Variants in ZNF639 observed in about 807,000 individuals in gnomAD.
The protein encoded by ZNF639 is zinc finger protein 639, also known as zinc finger amplified in esophageal squamous cell carcinomas 1.
A neutral mutation model predicts 39.8 loss-of-function variants in ZNF639; 20 were observed. The ratio of observed to expected loss-of-function variants is 0.50; its 90% CI spans 0.35 to 0.73. The LOEUF (loss-of-function observed/expected upper bound fraction) is 0.73. Among genes scored for constraint, ZNF639 ranks in the 30% least tolerant of loss-of-function variants. The pLI is 0.00. For synonymous variants in ZNF639, 176 were observed against 189.8 expected (o/e 0.93, Z 0.60); for missense variants, 477 against 566.2 (o/e 0.84, Z 1.60).
rs961789951 is a variant in ZNF639 at position 179,337,455 on chromosome 3, G to T, written c.*3033G>T. The T allele has an allele frequency of 6.6e-6, 1 of 151,032 alleles. No individual in the cohort carries two copies. Among genetic ancestry groups the T allele is most frequent in the Non-Finnish European group, 1.5e-5 (1 of 67,906 alleles). 9.4% of individuals were successfully genotyped at this position (151,032 alleles called of 1,614,324 possible). A position where few individuals can be genotyped will look rare whatever the true frequency, so the allele number is the denominator to read the frequency against. ...AGGTGTAAGCAATTCTCCTGCCTTA[G>T]CCTCCCAAGTAGCTGGGATTATAGG... On this transcript the variant is annotated 3_prime_UTR_variant, in exon 6 of 6. Coordinates refer to ENST00000496856, the MANE Select transcript of ZNF639 (RefSeq NM_001303426.2).
At chr3:179,328,815 GC>G (rs1385742445) in intron 3 of ZNF639, among the ~76,000 whole-genome samples, 1 of 140,146 alleles carries the variant, frequency 7.1e-6, no homozygotes, top group Non-Finnish European at 1.5e-5. Context: ...TCACTCTCTA[GC>G]CCAGGCTGGA....
Position 179,336,574 on chromosome 3 carries a change from A to G in ZNF639, c.*2152A>G, listed in dbSNP as rs1711532891. On this transcript the variant is annotated 3_prime_UTR_variant, in exon 6 of 6. Coordinates refer to ENST00000496856, the MANE Select transcript of ZNF639 (RefSeq NM_001303426.2). ...TTCTCAGAAGACTTAAAATTGTAAC[A>G]GTTTAAATTGTAAGATAACCTTAGA... 1 of 152,238 alleles carries G rather than the reference A, an allele frequency of 6.6e-6. No homozygotes were observed. The highest frequency in any genetic ancestry group is 2.4e-5 in the African/African-American group (1 of 41,458). The allele number at this position is 152,238 out of a possible 1,614,324, so 9.4% of individuals were successfully genotyped here.
chr3:179,329,535 A>G, intron 3 of ZNF639, 83 bp from the exon 4 acceptor site: 2 of 772,910 alleles, frequency 2.6e-6, no homozygotes, highest in Admixed American at 2.4e-5. Context: ...CATTAAGAAC[A>G]TTTGTATAAG....
rs1394564594 is a variant in ZNF639, at chr3:179,334,661, T to C, written c.*239T>C. 3.9e-6 allele frequency: 1 copy of C among 256,280 alleles called. No individual in the cohort carries two copies. The highest frequency in any genetic ancestry group is 7.3e-6 in the Non-Finnish European group (1 of 137,202). The allele number at this position is 256,280 out of a possible 1,614,324, so 15.9% of individuals were successfully genotyped here. Reference sequence around the variant, plus strand: ...CAACCACTCTTGGTGACTGTCATCCTGTTTCTTCCATATTCTCTGATTTCA... The same window carrying C: ...CAACCACTCTTGGTGACTGTCATCCCGTTTCTTCCATATTCTCTGATTTCA... On this transcript the variant is annotated 3_prime_UTR_variant, in exon 6 of 6. Transcript: ENST00000496856.
chr3:179,329,510 A>G, intron 3 of ZNF639, 108 bp from the exon 4 acceptor site: 2 of 646,424 alleles, frequency 3.1e-6, no homozygotes, highest in Non-Finnish European at 5.5e-6. Flanking sequence ...TTTTCATTAC[A>G]GATACTATAA....
Position 179,333,454 on chromosome 3 carries a change from C to T in ZNF639, c.490C>T (p.Gln164Ter). ...AGAAAACAATTCCTCTGAGAGTCTC[C>T]AAGACCAAACTGATGAAGAACCGCC... Reference protein sequence around the residue: ...ETENNSSESLQDQTDEEPPAK... With the variant: ...ETENNSSESL The change falls in exon 6 of 6, where the codon CAA (glutamine) becomes TAA (stop). Residue 164 changes from glutamine (Q) to a stop codon, truncating the protein, a stop_gained. Transcript: ENST00000496856. LOFTEE classifies it high-confidence loss of function. The T allele has an allele frequency of 1.2e-6, 2 of 1,614,038 alleles. No homozygotes were observed. The highest frequency in any genetic ancestry group is 1.7e-6 in the Non-Finnish European group (2 of 1,179,994).
intron 1 of ZNF639, chr3:179,325,367 TTGTC>T (rs1727528128): frequency 6.6e-6 from 1 of 152,216 alleles, no homozygotes; most frequent in African/African-American, 2.4e-5. Flanking sequence ...CATTTCATGG[TTGTC>T]TGTTTCTTTA....
rs748675682 is a variant in ZNF639 at position 179,328,174 on chromosome 3, G to A, written c.-11-109G>A. 6.8e-6 allele frequency: 4 copies of A among 587,984 alleles called. No homozygotes were observed. In the East Asian group the frequency reaches 1.3e-4, roughly 19 times the overall value. 36.4% of individuals were successfully genotyped at this position (587,984 alleles called of 1,614,324 possible). A position where few individuals can be genotyped will look rare whatever the true frequency, so the allele number is the denominator to read the frequency against. On this transcript the variant is annotated intron_variant, in intron 2 of 5. Transcript: ENST00000496856. ...ACTTTTCTTATACCATAGATTTTCAGGTGGCTCACATATTTCATATTGCCA... is the reference window on the plus strand; with the variant it reads ...ACTTTTCTTATACCATAGATTTTCAAGTGGCTCACATATTTCATATTGCCA...
chr3:179,326,927 C>T (rs923446683), intron 1 of ZNF639, among the ~76,000 whole-genome samples: 7 of 151,926 alleles, frequency 4.6e-5, no homozygotes, highest in African/African-American at 1.2e-4. Context: ...AGGTGACTCA[C>T]GCCTGTAATC....
At chr3:179,331,775 C>CAAAAAAAAAAAAA (rs56708873) in intron 4 of ZNF639, among the ~76,000 whole-genome samples, 1 of 80,586 alleles carries the variant, frequency 1.2e-5, no homozygotes. Flanking sequence ...AACTCCATCT[C>CAAAAAAAAAAAAA]AAAAAAAAAA....
At position 179,333,559 on chromosome 3, in the gene ZNF639, A is replaced by G. The variant is rs1728042201; in HGVS notation, c.595A>G (p.Asn199Asp). The G allele has an allele frequency of 6.2e-7, 1 of 1,614,166 alleles. No individual in the cohort carries two copies. The highest frequency in any genetic ancestry group is 8.5e-7 in the Non-Finnish European group (1 of 1,180,038). The change falls in exon 6 of 6, where the codon AAT (asparagine) becomes GAT (aspartate). Residue 199 changes from asparagine (N) to aspartate (D), a missense_variant. Coordinates refer to ENST00000496856, the MANE Select transcript of ZNF639 (RefSeq NM_001303426.2). ...AQQKWPLLRA[N>D]SSGLYKCELC... Reference sequence around the variant, plus strand: ...GCAGAAATGGCCTTTACTGAGAGCTAATAGCAGTGGCCTCTATAAATGTGA... The same window carrying G: ...GCAGAAATGGCCTTTACTGAGAGCTGATAGCAGTGGCCTCTATAAATGTGA...
intron 1 of ZNF639, among the ~76,000 whole-genome samples, chr3:179,325,726 T>C (rs1450820288): frequency 6.6e-6 from 1 of 151,644 alleles, no homozygotes; most frequent in East Asian, 2.0e-4. Flanking sequence ...ACCCCGTCTG[T>C]ACTAAAAATA....
rs1560182828 is a variant in ZNF639, at chr3:179,333,989, G to A, written c.1025G>A (p.Cys342Tyr). The A allele has an allele frequency of 1.9e-6, 3 of 1,614,190 alleles. No individual in the cohort carries two copies. Among genetic ancestry groups the A allele is most frequent in the Non-Finnish European group, 2.5e-6 (3 of 1,180,040 alleles). The change falls in exon 6 of 6, where the codon TGT becomes TAT. Residue 342 changes from cysteine to tyrosine, a missense_variant. Transcript: ENST00000496856. Reference sequence around the variant, plus strand: ...AGCCATGTGGTAAATGAGCATGCATGTAAATTAATAGAGTTAAGTGATAAG... The same window carrying A: ...AGCCATGTGGTAAATGAGCATGCATATAAATTAATAGAGTTAAGTGATAAG... Reference protein sequence around the residue: ...LHSHVVNEHACKLIELSDKYN... With the variant: ...LHSHVVNEHAYKLIELSDKYN...
rs909602304 is a variant in ZNF639, at chr3:179,334,638, A to T, written c.*216A>T. 3.3e-6 allele frequency: 1 copy of T among 298,980 alleles called. No individual in the cohort carries two copies. The highest frequency in any genetic ancestry group is 1.1e-4 in the South Asian group (1 of 9,076). The allele number at this position is 298,980 out of a possible 1,614,324, so 18.5% of individuals were successfully genotyped here. On this transcript the variant is annotated 3_prime_UTR_variant, in exon 6 of 6. Transcript: ENST00000496856. ...AATTGCGTGATAGTTTGTAGTTTCA[A>T]CCACTCTTGGTGACTGTCATCCTGT...
intron 4 of ZNF639, among the ~76,000 whole-genome samples, chr3:179,330,781 C>T (rs563240288): frequency 2.0e-5 from 3 of 152,334 alleles, no homozygotes; most frequent in East Asian, 3.9e-4. Context: ...TGTTCTACAG[C>T]ATTGGTGAAT....
intron 4 of ZNF639, among the ~76,000 whole-genome samples, chr3:179,331,794 AAAG>A (rs1727929998): frequency 6.6e-6 from 1 of 151,628 alleles, no homozygotes; most frequent in Non-Finnish European, 1.5e-5. Context: ...AAAAAAAAAA[AAAG>A]ACAACTTTAT....
rs973596024 is a variant in ZNF639 at position 179,337,458 on chromosome 3, T to G, written c.*3036T>G. Reference sequence around the variant, plus strand: ...TGTAAGCAATTCTCCTGCCTTAGCCTCCCAAGTAGCTGGGATTATAGGCGT... The same window carrying G: ...TGTAAGCAATTCTCCTGCCTTAGCCGCCCAAGTAGCTGGGATTATAGGCGT... On this transcript the variant is annotated 3_prime_UTR_variant, in exon 6 of 6. Coordinates refer to ENST00000496856, the MANE Select transcript of ZNF639 (RefSeq NM_001303426.2). 6.6e-6 allele frequency: 1 copy of G among 151,296 alleles called. No individual in the cohort carries two copies. Among genetic ancestry groups the G allele is most frequent in the Non-Finnish European group, 1.5e-5 (1 of 67,952 alleles). 9.4% of individuals were successfully genotyped at this position (151,296 alleles called of 1,614,324 possible). A position where few individuals can be genotyped will look rare whatever the true frequency, so the allele number is the denominator to read the frequency against.
Position 179,327,164 on chromosome 3 carries a change from T to C in ZNF639, c.-82-397T>C, listed in dbSNP as rs181962736. Among the ~76,000 whole-genome samples the C allele has an allele frequency of 4.9e-3, 743 of 152,202 alleles. 6 individuals are homozygous for C. The highest frequency in any genetic ancestry group is 0.017 in the African/African-American group (712 of 41,562). On this transcript the variant is annotated intron_variant, in intron 1 of 5. Coordinates refer to ENST00000496856, the MANE Select transcript of ZNF639 (RefSeq NM_001303426.2). ...GAGATCGCGCCATTGCACTCCAGCC[T>C]GGGTAACAAGAGCAAAACTCGGTCT...
At chr3:179,330,324 A>G (rs1727838571) in intron 4 of ZNF639, among the ~76,000 whole-genome samples, 1 of 152,194 alleles carries the variant, frequency 6.6e-6, no homozygotes, top group South Asian at 2.1e-4. Context: ...TCTGTCACCC[A>G]TGCAGCCATG....
Sources: gnomAD v4.1 joint callset for allele counts (sites outside exome capture counted in the v4.1 genomes callset) on GRCh38, gnomAD v4.1.1 for gene constraint, MANE v1.5 for transcripts, NCBI Gene and HGNC (gene_info 2026-07-23, HGNC 2026-07-21) for gene names.